The following TTN variants were observed in gnomAD, a reference collection of about 807,000 sequenced individuals.
TTN encodes the protein titin.
TTN carries 1,525 observed loss-of-function variants against 3,223.0 expected under a neutral mutation model. The ratio of observed to expected loss-of-function variants is 0.47; its 90% confidence interval spans 0.45 to 0.49. The LOEUF (loss-of-function observed/expected upper bound fraction) is 0.49, where lower values mean the gene tolerates loss of function less well. Ranked by LOEUF, TTN falls within the 20% of genes least tolerant of loss-of-function variation. The pLI is 0.00. For missense variants in TTN, 40,786 were observed against 43,424.0 expected, an observed-to-expected ratio of 0.94 and a Z score of 5.40; for synonymous variants, 14,094 against 15,161.0, an observed-to-expected ratio of 0.93 and a Z score of 5.17.
intron 326 of TTN, chr2:178,558,965 A>G (rs1702540137): frequency 5.4e-6 from 2 of 369,204 alleles, no homozygotes; most frequent in South Asian, 6.5e-5. Flanking sequence ...TTCTGTACAC[A>G]CGCACATACA....
At chr2:178,772,964 G>T (rs1428130709) in intron 33 of TTN, 145 bp downstream of exon 33, 5 of 961,666 alleles carry the variant, frequency 5.2e-6, no homozygotes, top group Admixed American at 5.0e-5. Flanking sequence ...GGTGGGAATG[G>T]TGTTGCAAGT....
chr2:178,666,718 G>T (rs1004876376), intron 163 of TTN, 106 bp downstream of exon 163: 2 of 921,346 alleles, frequency 2.2e-6, no homozygotes, highest in Non-Finnish European at 3.1e-6. Flanking sequence ...TCTCTGAAAT[G>T]ATTTCCACTG....
At position 178,572,078 on chromosome 2, in the gene TTN, T is replaced by G; in HGVS notation, c.74054A>C (p.Tyr24685Ser). ...ATTCTGAGCTGAAACACGGAAAGAG[T>G]ATTCTTCACCCTGAATTAATCCAGT... ...TITGLIQGEE[Y>S]SFRVSAQNEK... Residue 24685 changes from tyrosine (Y) to serine (S), a missense_variant, in exon 326 of 363, where the codon TAC becomes TCC. Physicochemically the swap from Tyr to Ser is moderately radical, Grantham distance 144. Transcript: ENST00000589042. 6.2e-7 allele frequency: 1 copy of G among 1,613,040 alleles called. No homozygotes were observed. The highest frequency in any genetic ancestry group is 8.5e-7 in the Non-Finnish European group (1 of 1,179,520).
In TTN at chr2:178,620,889, A is replaced by G; in HGVS notation, c.45721T>C (p.Phe15241Leu). Residue 15241 changes from phenylalanine to leucine, a missense_variant, in exon 247 of 363, where the codon TTC (phenylalanine) becomes CTC (leucine). Phe to Leu is a conservative substitution (Grantham distance 22). Coordinates refer to ENST00000589042, the MANE Select transcript of TTN (RefSeq NM_001267550.2). ...VNTEGAKAKW[F>L]RNEEAIFDSS... ...TCAAATATAGCTTCTTCATTTCTGA[A>G]CCATTTGGCTTTGGCACCTTCAGTA... The G allele has an allele frequency of 2.5e-6, 4 of 1,612,502 alleles. No individual in the cohort carries two copies. Among genetic ancestry groups the G allele is most frequent in the South Asian group, 1.1e-5 (1 of 91,038 alleles).
chr2:178,649,912 T>C lies in TTN; in HGVS notation c.39818-18A>G, dbSNP rs2062665643. 5 of 1,596,140 alleles carry C rather than the reference T, an allele frequency of 3.1e-6. No homozygotes were observed. The highest frequency in any genetic ancestry group is 4.3e-6 in the Non-Finnish European group (5 of 1,174,378). On this transcript the variant is annotated intron_variant, in intron 210 of 362. Coordinates refer to ENST00000589042, the MANE Select transcript of TTN (RefSeq NM_001267550.2). ...TTCAGGCACTTGAATAATAGGAATT[T>C]CTTTTAGAATTAGGTGATTACAATG...
rs2091196852 is a variant in TTN, at chr2:178,769,788, C to A, written c.8793G>T (p.Val2931=). ...TGATCAGCTGATGGAGTTTTCCCTG[C>A]ACAACTATCTTGAACTTTTCACTCA... is the stretch of plus-strand genomic sequence containing the variant. The part of the protein sequence containing the change: ...IEMSEKFKIV[V]QGKLHQLIIM... The change falls in exon 37 of 363, where the codon GTG becomes GTT. Residue 2931 remains valine (V), a synonymous_variant. Transcript: ENST00000589042. 1.9e-6 allele frequency: 3 copies of A among 1,614,012 alleles called. No individual in the cohort carries two copies. The highest frequency in any genetic ancestry group is 1.3e-5 in the African/African-American group (1 of 75,002).
chr2:178,536,770 A>T, intron 356 of TTN, 168 bp downstream of exon 356: 2 of 815,578 alleles, frequency 2.5e-6, no homozygotes, highest in Non-Finnish European at 3.7e-6. Flanking sequence ...GTTAGGATAT[A>T]TATTTCTCCT....
chr2:178,585,021 A>C (rs2048616029), intron 309 of TTN, 51 bp downstream of exon 309: 2 of 1,604,532 alleles, frequency 1.2e-6, no homozygotes, highest in East Asian at 2.2e-5. Context: ...ATACGTAAAA[A>C]TATTTCTGAG....
Position 178,719,310 on chromosome 2 carries a change from C to G in TTN, c.24080G>C (p.Ser8027Thr). 6.2e-7 allele frequency: 1 copy of G among 1,613,800 alleles called. No homozygotes were observed. Among genetic ancestry groups the G allele is most frequent in the Middle Eastern group, 1.7e-4 (1 of 6,058 alleles). ...AAAGCTGGACTGACATTTGGGCCCA[C>G]TAACAATCTCATTTCCATCCTGAAA... ...GWFQDGNEIV[S>T]GPKCQSSFSE... Residue 8027 changes from serine (S) to threonine (T), a missense_variant, in exon 83 of 363, where the codon AGT becomes ACT. Coordinates refer to ENST00000589042, the MANE Select transcript of TTN (RefSeq NM_001267550.2).
In TTN at chr2:178,561,170, T is replaced by C. The variant is rs760149145; in HGVS notation, c.84962A>G (p.Gln28321Arg). Residue 28321 changes from glutamine (Q) to arginine (R), a missense_variant, in exon 326 of 363, where the codon CAG (glutamine) becomes CGG (arginine). Transcript: ENST00000589042. ...YFEVTELTED[Q>R]RYEFRVFARN... The stretch of plus-strand genomic sequence containing the variant: ...TGCAAAAACCCGGAATTCATAACGC[T>C]GATCTTCAGTAAGTTCAGTTACTTC... 5 of 1,613,694 alleles carry C rather than the reference T, an allele frequency of 3.1e-6. No homozygotes were observed. In the East Asian group the frequency reaches 1.1e-4, roughly 36 times the overall value.
At chr2:178,747,326 A>G in intron 47 of TTN, 2 of 1,613,300 alleles carry the variant, frequency 1.2e-6, no homozygotes, top group Non-Finnish European at 1.7e-6. Flanking sequence ...ATATCTTTCA[A>G]CTGTCTCACC....
Position 178,739,752 on chromosome 2 carries a change from C to A in TTN, c.13481G>T (p.Arg4494Ile). The A allele has an allele frequency of 6.2e-7, 1 of 1,613,842 alleles. No individual in the cohort carries two copies. The highest frequency in any genetic ancestry group is 8.5e-7 in the Non-Finnish European group (1 of 1,179,802). ...ACTTGTTTTGGCTCCTTGCTGAATT[C>A]TAGGACCCTCAGCTGTTAGGATGTC... ...EIDILTAEGPRIQQGAKTSLQ... is the reference protein window; with the variant it reads ...EIDILTAEGPIIQQGAKTSLQ... The change falls in exon 48 of 363, where the codon AGA becomes ATA. Residue 4494 changes from arginine to isoleucine, a missense_variant. Physicochemically the swap from Arg to Ile is moderately conservative, Grantham distance 97. Coordinates refer to ENST00000589042, the MANE Select transcript of TTN (RefSeq NM_001267550.2).
intron 21 of TTN, among the ~76,000 whole-genome samples, chr2:178,780,736 G>A (rs938254079): frequency 6.6e-6 from 1 of 152,136 alleles, no homozygotes. Flanking sequence ...GTAACAGCCT[G>A]GTGCATGCCT....
Position 178,740,039 on chromosome 2 carries a change from T to C in TTN, c.13194A>G (p.Gln4398=), listed in dbSNP as rs375347596. Residue 4398 remains glutamine (Q), a synonymous_variant, in exon 48 of 363, where the codon CAA becomes CAG. Coordinates refer to ENST00000589042, the MANE Select transcript of TTN (RefSeq NM_001267550.2). Reference sequence around the variant, plus strand: ...CGGCTGCTTGCAAAGCCCGGCAGATTTGAATTTTCAGGTTTAATCTCTGCT... The same window carrying C: ...CGGCTGCTTGCAAAGCCCGGCAGATCTGAATTTTCAGGTTTAATCTCTGCT... ...PEEQRLNLKI[Q]ICRALQAAVA... The C allele has an allele frequency of 1.7e-4, 277 of 1,613,880 alleles. 1 individual carries two copies. The African/African-American group carries it at 3.3e-3, about 19-fold the overall frequency.
In TTN at chr2:178,722,154, G is replaced by C. The variant is rs1356521619; in HGVS notation, c.22529-20C>G. On this transcript the variant is annotated intron_variant, in intron 77 of 362. Coordinates refer to ENST00000589042, the MANE Select transcript of TTN (RefSeq NM_001267550.2). The stretch of plus-strand genomic sequence containing the variant: ...TGGGTTCTGGAGGATGAGAAGAAAG[G>C]CAATGTGTATTTTTTGTTTGTTTTT... 1 of 1,535,560 alleles carries C rather than the reference G, an allele frequency of 6.5e-7. No individual in the cohort carries two copies. The highest frequency in any genetic ancestry group is 2.1e-5 in the Admixed American group (1 of 46,714).
chr2:178,758,530 A>G (rs1274743473), intron 44 of TTN, among the ~76,000 whole-genome samples: 1 of 152,328 alleles, frequency 6.6e-6, no homozygotes, highest in East Asian at 1.9e-4. Flanking sequence ...GAGGATGAAT[A>G]TAGCTCGCTG....
intron 102 of TTN, 64 bp downstream of exon 102, chr2:178,706,390 G>C: frequency 2.0e-6 from 3 of 1,487,988 alleles, no homozygotes; most frequent in Non-Finnish European, 9.0e-7. Context: ...CTGGTTGACT[G>C]TGGATGCGGA....
Position 178,544,241 on chromosome 2 carries a change from G to C in TTN, c.95988C>G (p.Tyr31996Ter). 6.2e-7 allele frequency: 1 copy of C among 1,613,778 alleles called. No individual in the cohort carries two copies. Among genetic ancestry groups the C allele is most frequent in the Non-Finnish European group, 8.5e-7 (1 of 1,179,716 alleles). Reference sequence around the variant, plus strand: ...GCTCAATTTCAGCAATTGATTCGCTGTATTCGCTCATACCCTTCACGTTCA... The same window carrying C: ...GCTCAATTTCAGCAATTGATTCGCTCTATTCGCTCATACCCTTCACGTTCA... ...AAVNVKGMSE[Y>*]SESIAEIEPV... Residue 31996 changes from tyrosine (Y) to a stop codon, truncating the protein, a stop_gained, in exon 345 of 363, where the codon TAC becomes TAG. Transcript: ENST00000589042. LOFTEE classifies it high-confidence loss of function.
In TTN at chr2:178,540,433, A is replaced by G. The variant is rs564139453; in HGVS notation, c.97796-63T>C. On this transcript the variant is annotated intron_variant, in intron 350 of 362. Coordinates refer to ENST00000589042, the MANE Select transcript of TTN (RefSeq NM_001267550.2). ...TGCAAAGTTGAAAATTAGCTGTGCC[A>G]CCTAACAAATTCAATGAGTTGTTGA... 69 of 1,347,880 alleles carry G rather than the reference A, an allele frequency of 5.1e-5. No individual in the cohort carries two copies. The South Asian group carries it at 8.6e-4, about 17-fold the overall frequency. 83.5% of individuals were successfully genotyped at this position (1,347,880 alleles called of 1,614,324 possible).
Sources: gnomAD v4.1 joint callset for allele counts (sites outside exome capture counted in the v4.1 genomes callset) on GRCh38, gnomAD v4.1.1 for gene constraint, MANE v1.5 for transcripts, NCBI Gene and HGNC (gene_info 2026-07-23, HGNC 2026-07-21) for gene names.